Variants in CNTN4 observed in about 807,000 individuals in gnomAD.
CNTN4 encodes contactin 4, also known as contactin-4.
Under a neutral mutation model 122.5 loss-of-function variants are expected in CNTN4, and 77 were observed. That is an observed-to-expected ratio of 0.63 (90% CI 0.52 to 0.76). The LOEUF is 0.76. CNTN4 is among the 30% of genes least tolerant of loss of function. CNTN4 has a pLI of 0.00. For synonymous variants in CNTN4, 512 were observed against 447.0 expected (o/e 1.15, Z -1.83); for missense variants, 1,256 against 1,259.1 (o/e 1.00, Z 0.04).
chr3:2,443,016 A>G (rs1019334050), intron 3 of CNTN4, among the ~76,000 whole-genome samples: 28 of 152,062 alleles, frequency 1.8e-4, no homozygotes, highest in African/African-American at 6.5e-4. Flanking sequence ...GAGGGAGAGG[A>G]GAAGAAAAGG....
At chr3:2,220,271 C>G (rs147077042) in intron 2 of CNTN4, among the ~76,000 whole-genome samples, 31 of 152,280 alleles carry the variant, frequency 2.0e-4, no homozygotes, top group African/African-American at 7.2e-4. Flanking sequence ...ACTGTGAACA[C>G]TTATCACCAC....
intron 4 of CNTN4, among the ~76,000 whole-genome samples, chr3:2,672,122 C>G (rs1404700416): frequency 6.6e-6 from 1 of 152,202 alleles, no homozygotes; most frequent in South Asian, 2.1e-4. Context: ...GCTGGGAGAA[C>G]CACCACTGTC....
intron 13 of CNTN4, among the ~76,000 whole-genome samples, chr3:2,944,597 TG>T (rs1161334680): frequency 1.3e-5 from 2 of 152,100 alleles, no homozygotes; most frequent in East Asian, 3.9e-4. Context: ...CAAAGCAAAA[TG>T]TAAGAAAACT....
At chr3:2,533,061 A>G (rs1354165785) in intron 3 of CNTN4, among the ~76,000 whole-genome samples, 1 of 151,940 alleles carries the variant, frequency 6.6e-6, no homozygotes, top group Non-Finnish European at 1.5e-5. Context: ...TTATGAATTC[A>G]GACATGTGAC....
At chr3:2,137,008 G>A (rs2034725073) in intron 2 of CNTN4, among the ~76,000 whole-genome samples, 2 of 152,234 alleles carry the variant, frequency 1.3e-5, no homozygotes, top group Middle Eastern at 3.4e-3. Context: ...AGACATTTGT[G>A]ACATAACAAA....
At chr3:2,752,843 G>A (rs2090160327) in intron 6 of CNTN4, among the ~76,000 whole-genome samples, 1 of 152,012 alleles carries the variant, frequency 6.6e-6, no homozygotes, top group Non-Finnish European at 1.5e-5. Context: ...AACTTATTTA[G>A]CTTCCACATA....
At chr3:2,975,532 T>G (rs1225364005) in intron 13 of CNTN4, among the ~76,000 whole-genome samples, 1 of 152,206 alleles carries the variant, frequency 6.6e-6, no homozygotes, top group Non-Finnish European at 1.5e-5. Context: ...CAATAGGATG[T>G]TGTAAGTGCT....
chr3:2,785,964 G>A (rs62232885), intron 6 of CNTN4, among the ~76,000 whole-genome samples: 7,014 of 143,234 alleles, frequency 0.049, 225 homozygotes, highest in Non-Finnish European at 0.072. Context: ...GAGAGGCGTG[G>A]CAGAGGAGAG....
intron 4 of CNTN4, among the ~76,000 whole-genome samples, chr3:2,644,345 T>TA (rs2150138925): frequency 6.6e-6 from 1 of 152,320 alleles, no homozygotes; most frequent in Non-Finnish European, 1.5e-5. Flanking sequence ...TTCTTTTGGA[T>TA]AAATTGCCCA....
chr3:2,424,645 T>A (rs1333323283), intron 3 of CNTN4, among the ~76,000 whole-genome samples: 1 of 152,218 alleles, frequency 6.6e-6, no homozygotes, highest in East Asian at 1.9e-4. Context: ...GGCCACACTG[T>A]CTTCCACAAT....
At chr3:2,124,472 A>ACC (rs75276954) in intron 2 of CNTN4, among the ~76,000 whole-genome samples, 6 of 128,060 alleles carry the variant, frequency 4.7e-5, no homozygotes, top group East Asian at 6.1e-4. Flanking sequence ...ACACACACAC[A>ACC]CCCCCTTAAG....
At chr3:2,374,223 G>A (rs2045737741) in intron 3 of CNTN4, among the ~76,000 whole-genome samples, 1 of 152,156 alleles carries the variant, frequency 6.6e-6, no homozygotes, top group Admixed American at 6.5e-5. Flanking sequence ...ATTGGCTTGT[G>A]TGGAAAATAC....
Position 2,622,048 on chromosome 3 carries a change from A to T in CNTN4, c.55+50490A>T, listed in dbSNP as rs61521296. On this transcript the variant is annotated intron_variant, in intron 4 of 24. Transcript: ENST00000418658. ...GGATCCTTTTCCAGAGAGATTGCTC[A>T]GGCAATTTCAGTTCCATCTCTGTTT... is the stretch of plus-strand genomic sequence containing the variant. 1.9e-3 allele frequency among the ~76,000 whole-genome samples: 295 copies of T among 152,312 alleles called. 4 individuals carry two copies. The East Asian group carries it at 0.043, about 22-fold the overall frequency.
intron 7 of CNTN4, among the ~76,000 whole-genome samples, chr3:2,858,768 GT>G (rs1337556186): frequency 6.6e-6 from 1 of 151,810 alleles, no homozygotes; most frequent in Non-Finnish European, 1.5e-5. Context: ...TTGATTTTTA[GT>G]TTTTTATTAT....
At chr3:2,298,729 C>G (rs1040809089) in intron 2 of CNTN4, among the ~76,000 whole-genome samples, 2 of 152,088 alleles carry the variant, frequency 1.3e-5, no homozygotes, top group African/African-American at 4.8e-5. Flanking sequence ...AATGTTATTC[C>G]TGAAGACTAC....
Position 2,709,346 on chromosome 3 carries a change from TA to T in CNTN4, c.56-26863del, listed in dbSNP as rs1236538716. On this transcript the variant is annotated intron_variant, in intron 4 of 24. Transcript: ENST00000418658. This position sits in a 1 kb window ranked among gnomAD's most constrained non-coding sequence, Gnocchi z 5.0. ...CATATTAGAATCATCTGGGGGTCCTTAAAAAATACTGATGCGTAGGTCTCAC... is the reference window on the plus strand; with the variant it reads ...CATATTAGAATCATCTGGGGGTCCTTAAAAATACTGATGCGTAGGTCTCAC... Among the ~76,000 whole-genome samples, 2 of 152,134 alleles carry T rather than the reference TA, an allele frequency of 1.3e-5. No individual in the cohort carries two copies. Among genetic ancestry groups the T allele is most frequent in the Non-Finnish European group, 2.9e-5 (2 of 68,014 alleles).
intron 5 of CNTN4, among the ~76,000 whole-genome samples, chr3:2,743,126 TG>T (rs2149534818): frequency 6.6e-6 from 1 of 152,284 alleles, no homozygotes; most frequent in East Asian, 1.9e-4. Context: ...AAGACTCACA[TG>T]GCCCCACTCC....
intron 4 of CNTN4, among the ~76,000 whole-genome samples, chr3:2,633,840 T>G (rs2082545300): frequency 6.6e-6 from 1 of 152,178 alleles, no homozygotes; most frequent in Admixed American, 6.5e-5. Context: ...GCTCGTCACT[T>G]GTCAGGAAAT....
chr3:2,392,876 CA>C (rs2046492763), intron 3 of CNTN4, among the ~76,000 whole-genome samples: 1 of 152,142 alleles, frequency 6.6e-6, no homozygotes, highest in South Asian at 2.1e-4. Context: ...CACCAAAACT[CA>C]TTCCTCCTAT....
Sources: gnomAD v4.1 joint callset for allele counts (sites outside exome capture counted in the v4.1 genomes callset) on GRCh38, gnomAD v4.1.1 for gene constraint, Gnocchi (gnomAD v3.1) non-coding constraint, MANE v1.5 for transcripts, NCBI Gene and HGNC (gene_info 2026-07-23, HGNC 2026-07-21) for gene names.